Variants in ODF2 observed in about 807,000 individuals in gnomAD.
ODF2 encodes the protein outer dense fiber of sperm tails 2.
Under a neutral mutation model 110.2 loss-of-function variants are expected in ODF2, and 47 were observed. That is an observed-to-expected ratio of 0.43 (90% CI 0.34 to 0.54). The LOEUF (loss-of-function observed/expected upper bound fraction) is 0.54, where lower values mean the gene tolerates loss of function less well. ODF2 is among the 20% of genes least tolerant of loss of function. The pLI is 0.03. For synonymous variants in ODF2, 352 were observed against 397.7 expected (o/e 0.89, Z 1.37); for missense variants, 812 against 1,054.5 (o/e 0.77, Z 3.19).
chr9:128,494,920 C>A lies in ODF2; in HGVS notation c.1911+252C>A. On this transcript the variant is annotated intron_variant, in intron 17 of 20. Transcript: ENST00000604420. The surrounding 1 kb of genome is among the most constrained non-coding windows in gnomAD (Gnocchi z 4.6). ...CTGGGCCCTCCTGCTGTTGCCCCCA[C>A]CCAAGACTGCTGCCTCTGCCTGTGT... 1 of 1,212,308 alleles carries A rather than the reference C, an allele frequency of 8.2e-7. No homozygotes were observed. Among genetic ancestry groups the A allele is most frequent in the Non-Finnish European group, 1.1e-6 (1 of 895,202 alleles). The allele number at this position is 1,212,308 out of a possible 1,614,324, so 75.1% of individuals were successfully genotyped here.
chr9:128,461,872 G>A (rs1836554698), intron 4 of ODF2, among the ~76,000 whole-genome samples: 1 of 152,142 alleles, frequency 6.6e-6, no homozygotes, highest in Non-Finnish European at 1.5e-5. Context: ...CCAGACAAAG[G>A]AGACTCCTTT....
At chr9:128,492,100 T>C (rs1844716740) in intron 14 of ODF2, among the ~76,000 whole-genome samples, 1 of 152,078 alleles carries the variant, frequency 6.6e-6, no homozygotes, top group Non-Finnish European at 1.5e-5. Flanking sequence ...CTCCTAACCT[T>C]GTGATCCGCC....
exon 19 of ODF2, chr9:128,498,497 G>C: frequency 6.2e-7 from 1 of 1,613,698 alleles, no homozygotes; most frequent in Non-Finnish European, 8.5e-7. Context: ...AGTCCCAGCT[G>C]CGGCTGGAGG....
At chr9:128,456,645 C>A (rs1834878112) in intron 1 of ODF2, 20 of 1,484,270 alleles carry the variant, frequency 1.3e-5, no homozygotes, top group South Asian at 5.1e-5. Flanking sequence ...GGCGGCATCG[C>A]CCCGACCGCC....
intron 1 of ODF2, chr9:128,456,810 A>G: frequency 7.7e-7 from 1 of 1,300,792 alleles, no homozygotes; most frequent in Non-Finnish European, 9.9e-7. Flanking sequence ...CCTGCTCAGA[A>G]CTCTGTTCGG....
upstream of ODF2, chr9:128,456,038 G>A: frequency 2.7e-6 from 4 of 1,475,210 alleles, no homozygotes; most frequent in South Asian, 1.3e-5. Flanking sequence ...GACGCTAGGG[G>A]CTGGGCCTCG....
chr9:128,482,721 GC>G, intron 9 of ODF2, 94 bp from the exon 10 acceptor site: 2 of 862,176 alleles, frequency 2.3e-6, no homozygotes, highest in Non-Finnish European at 1.9e-6. Flanking sequence ...AGGACCTTGG[GC>G]CCCAGTGGCC....
At chr9:128,496,550 C>T (rs1049713964) in intron 18 of ODF2, among the ~76,000 whole-genome samples, 1 of 152,218 alleles carries the variant, frequency 6.6e-6, no homozygotes, top group African/African-American at 2.4e-5. Flanking sequence ...CTGTTATTTA[C>T]GGATTGTTGG....
chr9:128,464,419 G>A (rs1026038376), intron 4 of ODF2, among the ~76,000 whole-genome samples: 33 of 152,160 alleles, frequency 2.2e-4, no homozygotes, highest in Non-Finnish European at 4.0e-4. Context: ...CTCCCAAAGT[G>A]CTGGGATTAC....
intron 4 of ODF2, among the ~76,000 whole-genome samples, chr9:128,461,984 C>A (rs974299214): frequency 1.3e-5 from 2 of 152,076 alleles, no homozygotes; most frequent in Non-Finnish European, 2.9e-5. Context: ...TGCTGCCTTA[C>A]ATTTTTTACT....
At chr9:128,467,233 A>G (rs1469502216) in intron 4 of ODF2, among the ~76,000 whole-genome samples, 1 of 150,854 alleles carries the variant, frequency 6.6e-6, no homozygotes, top group African/African-American at 2.4e-5. Context: ...CTACAGCATG[A>G]TGCCGTACAG....
At chr9:128,481,645 G>T (rs1842415702) in exon 9 of ODF2, 1 of 1,613,582 alleles carries the variant, frequency 6.2e-7, no homozygotes, top group African/African-American at 1.3e-5. Context: ...CCGACTCAGA[G>T]AAAGCGGTAA....
exon 12 of ODF2, chr9:128,484,782 G>A: frequency 5.6e-6 from 9 of 1,612,604 alleles, no homozygotes; most frequent in Non-Finnish European, 6.8e-6. Context: ...GCAGAAGGGA[G>A]ACCGAGACAA....
chr9:128,466,693 T>C (rs1480250046), intron 4 of ODF2, among the ~76,000 whole-genome samples: 1 of 147,916 alleles, frequency 6.8e-6, no homozygotes, highest in Non-Finnish European at 1.5e-5. Context: ...TATATAGTCA[T>C]GTGGCCGGGC....
rs144345452 is a variant in ODF2, at chr9:128,486,954, T to C, written c.1401-936T>C. ...CGTCTGTCCTAACACCAAGACCTGA[T>C]AGGCAGAGAGATTCCAGGAGGTGTC... is the stretch of plus-strand genomic sequence containing the variant. On this transcript the variant is annotated intron_variant, in intron 13 of 20. Transcript: ENST00000604420. Among the ~76,000 whole-genome samples the C allele has an allele frequency of 7.2e-3, 1,092 of 152,216 alleles. 9 individuals are homozygous for C. Among genetic ancestry groups the C allele is most frequent in the Middle Eastern group, 0.051 (15 of 294 alleles).
chr9:128,492,628 G>T (rs1012587576), intron 15 of ODF2, 73 bp from the exon 16 acceptor site: 42 of 1,542,940 alleles, frequency 2.7e-5, no homozygotes, highest in Non-Finnish European at 3.5e-5. Context: ...CCCAGGGAGG[G>T]TTGGGTATGG....
chr9:128,478,525 G>C (rs1437429122), intron 8 of ODF2, among the ~76,000 whole-genome samples: 1 of 151,480 alleles, frequency 6.6e-6, no homozygotes, highest in Non-Finnish European at 1.5e-5. Context: ...TTGAACCCGG[G>C]AGGCAGAGGT....
In ODF2 at chr9:128,457,941, A is replaced by AT. The variant is rs1384895239; in HGVS notation, c.32+505dup. On this transcript the variant is annotated intron_variant, in intron 2 of 20. Transcript: ENST00000604420. ...TCAGTAGAGGTCTATATATATATAT[A>AT]TATTTTTTTTTTTTCCCCTCTTTTT... Among the ~76,000 whole-genome samples the AT allele has an allele frequency of 1.4e-3, 110 of 78,732 alleles. 3 individuals carry two copies. In the East Asian group the frequency reaches 0.04, roughly 28 times the overall value. The allele number at this position is 78,732 out of a possible 152,430, so 51.7% of individuals were successfully genotyped here. A position where few individuals can be genotyped will look rare whatever the true frequency, so the allele number is the denominator to read the frequency against.
At chr9:128,457,941 A>T (rs547088701) in intron 2 of ODF2, among the ~76,000 whole-genome samples, 30 of 78,740 alleles carry the variant, frequency 3.8e-4, no homozygotes, top group East Asian at 2.8e-3. Context: ...ATATATATAT[A>T]TATTTTTTTT....
Sources: allele counts gnomAD v4.1 joint callset (sites outside exome capture counted in the v4.1 genomes callset), GRCh38; gene constraint gnomAD v4.1.1; non-coding constraint Gnocchi (gnomAD v3.1); transcripts MANE v1.5; gene names NCBI Gene and HGNC (gene_info 2026-07-23, HGNC 2026-07-21).